The following ZNF678 variants were observed in gnomAD, a reference collection of about 807,000 sequenced individuals.
ZNF678 encodes zinc finger protein 678.
A neutral mutation model predicts 3.0 loss-of-function variants in ZNF678; 5 were observed. That is an observed-to-expected ratio of 1.69 (90% CI 0.88 to 3.56). The LOEUF is 3.56. Ranked by LOEUF, ZNF678 falls within the 30% of genes most tolerant of loss-of-function variation. The pLI is 0.00. For synonymous variants in ZNF678, 218 were observed against 199.6 expected (o/e 1.09, Z -0.78); for missense variants, 593 against 605.0 (o/e 0.98, Z 0.21).
chr1:227,643,650 A>G (rs1432269669), intron 1 of ZNF678, among the ~76,000 whole-genome samples: 1 of 152,034 alleles, frequency 6.6e-6, no homozygotes, highest in African/African-American at 2.4e-5. Flanking sequence ...CTTAATTTTT[A>G]TTTTTTAATT....
At chr1:227,579,417 G>A (rs1657066305) in intron 1 of ZNF678, among the ~76,000 whole-genome samples, 1 of 152,080 alleles carries the variant, frequency 6.6e-6, no homozygotes, top group South Asian at 2.1e-4. Context: ...CAAGGGTGGG[G>A]TGCTAGTGTG....
chr1:227,655,307 G>C lies in ZNF678; in HGVS notation c.1057G>C (p.Glu353Gln). 1.2e-6 allele frequency: 2 copies of C among 1,611,186 alleles called. No homozygotes were observed. Among genetic ancestry groups the C allele is most frequent in the South Asian group, 2.2e-5 (2 of 90,802 alleles). ...HTGEKPYKCE[E>Q]CGRTFTQFSN... ...TGGAGAGAAACCCTACAAATGTGAA[G>C]AATGTGGCAGAACCTTTACTCAATT... The change falls in exon 4 of 4, where the codon GAA (glutamate) becomes CAA (glutamine). Residue 353 changes from glutamate (E) to glutamine (Q), a missense_variant. Physicochemically the swap from Glu to Gln is conservative, Grantham distance 29 (BLOSUM62 2). Coordinates refer to ENST00000343776, the MANE Select transcript of ZNF678 (RefSeq NM_001367909.1).
At chr1:227,669,615 C>T (rs140190703) in intron 5 of ZNF678, among the ~76,000 whole-genome samples, 40 of 149,896 alleles carry the variant, frequency 2.7e-4, no homozygotes, top group African/African-American at 8.4e-4. Flanking sequence ...TGCCACTGCG[C>T]GCCAGCCTGG....
At chr1:227,607,603 A>G (rs371109357) in intron 1 of ZNF678, among the ~76,000 whole-genome samples, 1 of 151,190 alleles carries the variant, frequency 6.6e-6, no homozygotes. Flanking sequence ...TAACACTTAC[A>G]TAGCACAGAG....
rs1571916648 is a variant in ZNF678, at chr1:227,654,285, A to G, written c.86-51A>G. ...TATATTTATTAGATTTGTAAAGTATATTTACTGGAGATTAGTAAGAAGAAT... is the reference window on the plus strand; with the variant it reads ...TATATTTATTAGATTTGTAAAGTATGTTTACTGGAGATTAGTAAGAAGAAT... On this transcript the variant is annotated intron_variant, in intron 3 of 3. Coordinates refer to ENST00000343776, the MANE Select transcript of ZNF678 (RefSeq NM_001367909.1). 5.1e-6 allele frequency: 7 copies of G among 1,359,888 alleles called. No individual in the cohort carries two copies. The East Asian group carries it at 1.2e-4, about 24-fold the overall frequency. The allele number at this position is 1,359,888 out of a possible 1,614,324, so 84.2% of individuals were successfully genotyped here. A position where few individuals can be genotyped will look rare whatever the true frequency, so the allele number is the denominator to read the frequency against.
chr1:227,640,252 C>A lies in ZNF678; in HGVS notation c.-163-6292C>A, dbSNP rs867613530. Among the ~76,000 whole-genome samples the A allele has an allele frequency of 2.0e-5, 3 of 152,062 alleles. No homozygotes were observed. In the South Asian group the frequency reaches 6.2e-4, roughly 32 times the overall value. ...TGAGTACAGGCAATGCTAGAGTTGT[C>A]CTGAGGAGAGGATGGTGTAGGAAAA... is the stretch of plus-strand genomic sequence containing the variant. On this transcript the variant is annotated intron_variant, in intron 1 of 3. Coordinates refer to ENST00000343776, the MANE Select transcript of ZNF678 (RefSeq NM_001367909.1).
chr1:227,667,541 G>A lies in ZNF678; in HGVS notation c.227-9638G>A, dbSNP rs117789891. On this transcript the variant is annotated intron_variant, in intron 5 of 5. Transcript: ENST00000608949. The stretch of plus-strand genomic sequence containing the variant: ...TTTTGCTGAGAAGACGAGGAGATTG[G>A]TGACCCCAGCTTCTATTAATCTCCT... Among the ~76,000 whole-genome samples the A allele has an allele frequency of 4.6e-3, 698 of 152,254 alleles. 19 individuals carry two copies. The South Asian group carries it at 0.056, about 12-fold the overall frequency.
rs1024679988 is a variant in ZNF678 at position 227,659,975 on chromosome 1, T to G, written c.*4147T>G. The G allele has an allele frequency of 6.6e-6, 1 of 152,126 alleles. No individual in the cohort carries two copies. The highest frequency in any genetic ancestry group is 1.5e-5 in the Non-Finnish European group (1 of 68,006). The allele number at this position is 152,126 out of a possible 1,614,324, so 9.4% of individuals were successfully genotyped here. ...TTCCTCCTAGCTAACAGGCATTGTTTATCATTTAACAGATAATTCTCTAAG... is the reference window on the plus strand; with the variant it reads ...TTCCTCCTAGCTAACAGGCATTGTTGATCATTTAACAGATAATTCTCTAAG... On this transcript the variant is annotated 3_prime_UTR_variant, in exon 4 of 4. Transcript: ENST00000343776.
intron 1 of ZNF678, among the ~76,000 whole-genome samples, chr1:227,635,181 T>G (rs1472200024): frequency 1.3e-5 from 2 of 152,232 alleles, no homozygotes; most frequent in Non-Finnish European, 2.9e-5. Context: ...TAGAAAACTT[T>G]TATATGTATT....
chr1:227,638,295 TG>T lies in ZNF678; in HGVS notation c.-163-8246del, dbSNP rs1658732271. Among the ~76,000 whole-genome samples, 1 of 152,296 alleles carries T rather than the reference TG, an allele frequency of 6.6e-6. No homozygotes were observed. Among genetic ancestry groups the T allele is most frequent in the African/African-American group, 2.4e-5 (1 of 41,556 alleles). ...AGGGAATTGCGGAAAGTGAAGTATA[TG>T]GGTCAGGAACTACTAGACAGCTTGG... On this transcript the variant is annotated intron_variant, in intron 1 of 3. Coordinates refer to ENST00000343776, the MANE Select transcript of ZNF678 (RefSeq NM_001367909.1). This position sits in a 1 kb window ranked among gnomAD's most constrained non-coding sequence, Gnocchi z 4.2.
At chr1:227,643,971 C>T (rs986806017) in intron 1 of ZNF678, among the ~76,000 whole-genome samples, 2 of 147,440 alleles carry the variant, frequency 1.4e-5, no homozygotes, top group African/African-American at 5.0e-5. Context: ...TCAAGTGATT[C>T]TCCTGCGTCA....
At chr1:227,605,650 T>C (rs1657846875) in intron 1 of ZNF678, among the ~76,000 whole-genome samples, 1 of 152,204 alleles carries the variant, frequency 6.6e-6, no homozygotes, top group Admixed American at 6.5e-5. Flanking sequence ...TAGCCAAAAT[T>C]TTTTTCTGTC....
intron 1 of ZNF678, among the ~76,000 whole-genome samples, chr1:227,605,766 A>G (rs1571881213): frequency 6.6e-6 from 1 of 152,254 alleles, no homozygotes; most frequent in East Asian, 1.9e-4. Context: ...CAAGCTCAAT[A>G]TACTCAATTT....
At chr1:227,604,775 C>G (rs952252105) in intron 1 of ZNF678, among the ~76,000 whole-genome samples, 3 of 152,152 alleles carry the variant, frequency 2.0e-5, no homozygotes, top group African/African-American at 7.2e-5. Flanking sequence ...ATATTTTTGA[C>G]AGTGACAAAA....
intron 1 of ZNF678, among the ~76,000 whole-genome samples, chr1:227,605,703 T>C (rs1657848835): frequency 6.6e-6 from 1 of 152,200 alleles, no homozygotes; most frequent in African/African-American, 2.4e-5. Context: ...TTATGATACA[T>C]TTTATGGATA....
chr1:227,641,460 A>G (rs1658819078), intron 1 of ZNF678, among the ~76,000 whole-genome samples: 1 of 152,130 alleles, frequency 6.6e-6, no homozygotes, highest in African/African-American at 2.4e-5. Flanking sequence ...TATATGTCAC[A>G]TTGTGGTTCA....
chr1:227,653,967 G>GT (rs1013140045), intron 3 of ZNF678, among the ~76,000 whole-genome samples: 8 of 151,874 alleles, frequency 5.3e-5, no homozygotes, highest in Admixed American at 2.0e-4. Context: ...TTTTGTTTTT[G>GT]TTTTTTTGTT....
intron 1 of ZNF678, among the ~76,000 whole-genome samples, chr1:227,603,702 G>A (rs1475053709): frequency 6.6e-6 from 1 of 152,210 alleles, no homozygotes. Context: ...TTGAGCTCTT[G>A]TGGGTGCTCC....
downstream of ZNF678, among the ~76,000 whole-genome samples, chr1:227,678,675 C>A (rs1659721234): frequency 6.6e-6 from 1 of 152,164 alleles, no homozygotes; most frequent in Admixed American, 6.5e-5. Flanking sequence ...ATTCCCTTCA[C>A]CCTGGCATTC....
Sources: allele counts gnomAD v4.1 joint callset (sites outside exome capture counted in the v4.1 genomes callset), GRCh38; gene constraint gnomAD v4.1.1; non-coding constraint Gnocchi (gnomAD v3.1); transcripts MANE v1.5; gene names NCBI Gene and HGNC (gene_info 2026-07-23, HGNC 2026-07-21).